The following MAP1B variants were observed in gnomAD, a reference collection of about 807,000 sequenced individuals.
MAP1B encodes the protein microtubule-associated protein 1B.
A neutral mutation model predicts 176.1 loss-of-function variants in MAP1B; 12 were observed. That is an observed-to-expected ratio of 0.07 (90% confidence interval 0.04 to 0.11). MAP1B has a LOEUF of 0.11. Among genes scored for constraint, MAP1B ranks in the 10% least tolerant of loss-of-function variants. The pLI is 1.00. For missense variants in MAP1B, 2,523 were observed against 2,990.5 expected (o/e 0.84, Z 3.65); for synonymous variants, 1,044 against 1,135.0 (o/e 0.92, Z 1.61).
intron 2 of MAP1B, among the ~76,000 whole-genome samples, chr5:72,151,139 A>G (rs1438023541): frequency 6.6e-6 from 1 of 152,106 alleles, no homozygotes; most frequent in Non-Finnish European, 1.5e-5. Context: ...TTTCATCAAG[A>G]CATGGAGGCA....
chr5:72,150,526 G>C (rs1277683774), intron 2 of MAP1B, among the ~76,000 whole-genome samples: 1 of 152,188 alleles, frequency 6.6e-6, no homozygotes, highest in African/African-American at 2.4e-5. Flanking sequence ...TTAAGTTCAG[G>C]GTACAAATGC....
At chr5:72,150,033 C>T (rs973151242) in intron 2 of MAP1B, among the ~76,000 whole-genome samples, 10 of 152,218 alleles carry the variant, frequency 6.6e-5, no homozygotes, top group African/African-American at 2.4e-4. Context: ...AGAATAAGAG[C>T]TAGGCCTAGG....
chr5:72,149,398 C>G (rs1561298694), intron 2 of MAP1B, among the ~76,000 whole-genome samples: 1 of 152,172 alleles, frequency 6.6e-6, no homozygotes, highest in Non-Finnish European at 1.5e-5. Context: ...GGGCGGTAAG[C>G]AAAATCTCGT....
intron 2 of MAP1B, among the ~76,000 whole-genome samples, chr5:72,150,468 A>T (rs1746120907): frequency 1.3e-5 from 2 of 152,196 alleles, no homozygotes; most frequent in African/African-American, 4.8e-5. Context: ...TGCATATAGG[A>T]CAGATTTTTT....
intron 4 of MAP1B, among the ~76,000 whole-genome samples, chr5:72,187,171 C>A (rs1236187118): frequency 6.6e-6 from 1 of 152,182 alleles, no homozygotes; most frequent in Non-Finnish European, 1.5e-5. Flanking sequence ...TAATGCCTGG[C>A]CCCAGTGTTT....
At chr5:72,111,768 C>T (rs10062889) in intron 1 of MAP1B, among the ~76,000 whole-genome samples, 23,460 of 152,082 alleles carry the variant, frequency 0.15, 2,384 homozygotes, top group Non-Finnish European at 0.22. Context: ...TAAGGGCTTA[C>T]TTTAAAAAAA....
intron 2 of MAP1B, among the ~76,000 whole-genome samples, chr5:72,153,941 C>A (rs2112170118): frequency 6.6e-6 from 1 of 152,206 alleles, no homozygotes; most frequent in African/African-American, 2.4e-5. Context: ...GGGAAGATGA[C>A]CTTCACCATA....
intron 4 of MAP1B, among the ~76,000 whole-genome samples, chr5:72,189,299 G>A (rs547284484): frequency 6.6e-6 from 1 of 152,288 alleles, no homozygotes; most frequent in South Asian, 2.1e-4. Context: ...GAAATCCAGG[G>A]ATGGTGAAAT....
Position 72,130,219 on chromosome 5 carries a change from G to A in MAP1B, c.286+14420G>A, listed in dbSNP as rs148788539. ...AAATGAACAAACAAAAAGACGAAAG[G>A]GCTTAAATTAAATAATCATAGGGAT... On this transcript the variant is annotated intron_variant, in intron 2 of 6. Transcript: ENST00000296755. Among the ~76,000 whole-genome samples, 53 of 151,332 alleles carry A rather than the reference G, an allele frequency of 3.5e-4. No individual in the cohort carries two copies. In the East Asian group the frequency reaches 9.3e-3, roughly 27 times the overall value.
intron 2 of MAP1B, among the ~76,000 whole-genome samples, chr5:72,153,056 A>G (rs1010980166): frequency 6.6e-6 from 1 of 152,206 alleles, no homozygotes; most frequent in Non-Finnish European, 1.5e-5. Context: ...AAATTGCACC[A>G]TGGAAATGTC....
At chr5:72,140,847 A>G (rs1290394524) in intron 2 of MAP1B, among the ~76,000 whole-genome samples, 1 of 152,234 alleles carries the variant, frequency 6.6e-6, no homozygotes, top group African/African-American at 2.4e-5. Context: ...TCTAGCGTCC[A>G]TCTTGGATTT....
intron 2 of MAP1B, among the ~76,000 whole-genome samples, chr5:72,131,148 GTA>G (rs1411517671): frequency 6.6e-5 from 10 of 152,182 alleles, no homozygotes. Flanking sequence ...ACACAAATTT[GTA>G]TTACAAGCTG....
intron 2 of MAP1B, among the ~76,000 whole-genome samples, chr5:72,175,191 AG>A (rs1561306651): frequency 6.6e-6 from 1 of 151,300 alleles, no homozygotes; most frequent in East Asian, 1.9e-4. Context: ...CAGCCTCCCG[AG>A]TAGCTGAGAT....
intron 1 of MAP1B, among the ~76,000 whole-genome samples, chr5:72,108,283 TC>T (rs1259625201): frequency 6.6e-6 from 1 of 151,162 alleles, no homozygotes; most frequent in African/African-American, 2.4e-5. Flanking sequence ...CCACGCCCGC[TC>T]CCCCCGCCCC....
chr5:72,167,213 T>C (rs1746449618), intron 2 of MAP1B, among the ~76,000 whole-genome samples: 1 of 152,146 alleles, frequency 6.6e-6, no homozygotes, highest in Non-Finnish European at 1.5e-5. Flanking sequence ...ATATGGAAAA[T>C]AATTGAGCAG....
intron 2 of MAP1B, among the ~76,000 whole-genome samples, chr5:72,174,956 CCCTTCCTTCCTTCCCG>C (rs1246971196): frequency 2.0e-5 from 2 of 101,850 alleles, no homozygotes; most frequent in Non-Finnish European, 3.8e-5. Context: ...CCCTCTTTGG[CCCTTCCTTCCTTCCCG>C]CCTTCCCTCC....
chr5:72,145,583 C>A (rs1348482280), intron 2 of MAP1B, among the ~76,000 whole-genome samples: 3 of 152,118 alleles, frequency 2.0e-5, no homozygotes, highest in Non-Finnish European at 4.4e-5. Flanking sequence ...GCATAATCAG[C>A]AAGATTTTGA....
At chr5:72,172,126 T>C (rs1468823703) in intron 2 of MAP1B, among the ~76,000 whole-genome samples, 1 of 152,192 alleles carries the variant, frequency 6.6e-6, no homozygotes, top group Non-Finnish European at 1.5e-5. Context: ...ACATTACTTA[T>C]TACAGATGGT....
chr5:72,176,193 ACACACACGTGTGTGCACG>A (rs1414575320), intron 2 of MAP1B, among the ~76,000 whole-genome samples: 16 of 151,798 alleles, frequency 1.1e-4, no homozygotes, highest in Non-Finnish European at 1.8e-4. Context: ...TGCTGGGTCC[ACACACACGTGTGTGCACG>A]CACACACTCA....
Sources: gnomAD v4.1 joint callset for allele counts (sites outside exome capture counted in the v4.1 genomes callset) on GRCh38, gnomAD v4.1.1 for gene constraint, MANE v1.5 for transcripts, NCBI Gene and HGNC (gene_info 2026-07-23, HGNC 2026-07-21) for gene names.